The following MYH14 variants were observed in gnomAD, a reference collection of about 807,000 sequenced individuals.
MYH14 encodes the protein myosin-14.
In MYH14, 123 loss-of-function variants were observed where a neutral mutation model predicts 255.5. The observed-to-expected ratio is 0.48, with a 90% CI of 0.42 to 0.56. The LOEUF (loss-of-function observed/expected upper bound fraction) is 0.56. Ranked by LOEUF, MYH14 falls within the 20% of genes least tolerant of loss-of-function variation. The pLI, the probability that MYH14 is intolerant of heterozygous loss-of-function variation, is 0.00. For synonymous variants in MYH14, 1,095 were observed against 1,161.2 expected (o/e 0.94, Z 1.16); for missense variants, 2,423 against 2,802.3 (o/e 0.86, Z 3.06).
At chr19:50,273,632 G>GTGTGTGTGTGTGTGTGTGTGTGT (rs1568526399) in intron 27 of MYH14, among the ~76,000 whole-genome samples, 4 of 151,252 alleles carry the variant, frequency 2.6e-5, no homozygotes, top group Non-Finnish European at 5.9e-5. Flanking sequence ...GTGTGTGTGT[G>GTGTGTGTGTGTGTGTGTGTGTGT]GTTAAGAACA....
intron 10 of MYH14, among the ~76,000 whole-genome samples, chr19:50,243,567 G>A (rs143487081): frequency 0.019 from 2,888 of 152,300 alleles, 38 homozygotes; most frequent in Middle Eastern, 0.034. Flanking sequence ...GGTCAAGGCT[G>A]CAGTGAGCTA....
intron 10 of MYH14, among the ~76,000 whole-genome samples, chr19:50,241,590 G>A (rs1041362328): frequency 1.3e-5 from 2 of 152,094 alleles, no homozygotes; most frequent in African/African-American, 4.8e-5. Context: ...GCAAAGAACA[G>A]CCTTCTCTGG....
intron 22 of MYH14, among the ~76,000 whole-genome samples, chr19:50,265,418 C>A (rs1007271669): frequency 2.0e-5 from 3 of 151,364 alleles, no homozygotes; most frequent in African/African-American, 7.3e-5. Context: ...CTACTTGGGA[C>A]GAAGGATTGC....
intron 8 of MYH14, among the ~76,000 whole-genome samples, chr19:50,227,263 C>T (rs373874733): frequency 2.6e-5 from 4 of 152,116 alleles, no homozygotes; most frequent in East Asian, 3.9e-4. Context: ...TGACATAGAG[C>T]AGTATAAGCA....
chr19:50,307,650 G>A (rs2036698806), intron 41 of MYH14, among the ~76,000 whole-genome samples: 1 of 152,224 alleles, frequency 6.6e-6, no homozygotes, highest in Admixed American at 6.5e-5. Context: ...GCCCCAGAGT[G>A]TGTGTTCTTG....
intron 33 of MYH14, among the ~76,000 whole-genome samples, chr19:50,283,168 A>G (rs1287713721): frequency 1.3e-5 from 2 of 151,452 alleles, no homozygotes; most frequent in East Asian, 1.9e-4. Context: ...CACCAAGGCT[A>G]GAGTGCAGTG....
At chr19:50,213,152 C>T (rs2032287426) in intron 2 of MYH14, among the ~76,000 whole-genome samples, 1 of 152,106 alleles carries the variant, frequency 6.6e-6, no homozygotes, top group East Asian at 1.9e-4. Context: ...GGGGTTTCAC[C>T]ATGTTTGTCA....
intron 1 of MYH14, among the ~76,000 whole-genome samples, chr19:50,207,311 G>GAGAGAGAGAGAGAGAGAC (rs2031857386): frequency 6.7e-6 from 1 of 149,824 alleles, no homozygotes; most frequent in East Asian, 2.0e-4. Flanking sequence ...GAGAGAGAGA[G>GAGAGAGAGAGAGAGAGAC]AGACTAGGGG....
In MYH14 at chr19:50,268,237, G is replaced by A. The variant is rs561594120; in HGVS notation, c.2903G>A (p.Arg968Gln). ...AELCAEAEET[R>Q]GRLAARKQEL... ...CTGTGTGCAGAGGCCGAGGAGACGC[G>A]GGGGAGGCTGGCAGCCCGCAAGCAG... Residue 968 changes from arginine (R) to glutamine (Q), a missense_variant, in exon 24 of 43, where the codon CGG becomes CAG. Around this residue, in one of 3 missense-constraint regions of MYH14, gnomAD observed 1,513 missense variants for 1,674.8 expected, o/e 0.90. Coordinates refer to ENST00000642316, the MANE Select transcript of MYH14 (RefSeq NM_001145809.2). 45 of 1,565,446 alleles carry A rather than the reference G, an allele frequency of 2.9e-5. No individual in the cohort carries two copies. The highest frequency in any genetic ancestry group is 6.8e-5 in the African/African-American group (5 of 73,650).
Position 50,231,914 on chromosome 19 carries a change from C to A in MYH14, c.974-16C>A, listed in dbSNP as rs1210660703. The A allele has an allele frequency of 6.2e-7, 1 of 1,613,784 alleles. No individual in the cohort carries two copies. The highest frequency in any genetic ancestry group is 1.7e-5 in the Admixed American group (1 of 60,028). On this transcript the variant is annotated splice_polypyrimidine_tract_variant and intron_variant, in intron 9 of 42. Coordinates refer to ENST00000642316, the MANE Select transcript of MYH14 (RefSeq NM_001145809.2). ...CAGCCCACCTTTGACCTTGACCCCA[C>A]TCATTGTCCCTGCAGCCGACCTCCT...
At chr19:50,251,786 C>G (rs1426916028) in intron 15 of MYH14, among the ~76,000 whole-genome samples, 1 of 152,134 alleles carries the variant, frequency 6.6e-6, no homozygotes, top group African/African-American at 2.4e-5. Flanking sequence ...CCATGTTGGC[C>G]AGGCTGCTCT....
intron 24 of MYH14, among the ~76,000 whole-genome samples, chr19:50,270,521 C>CAA (rs200748159): frequency 9.5e-5 from 5 of 52,874 alleles, no homozygotes; most frequent in African/African-American, 2.8e-4. Context: ...AACTCCGTCT[C>CAA]AAAAAAAAAA....
chr19:50,222,364 C>G (rs1398026207), intron 3 of MYH14, among the ~76,000 whole-genome samples: 3 of 150,694 alleles, frequency 2.0e-5, no homozygotes, highest in African/African-American at 7.3e-5. Flanking sequence ...CCTCTAGTCC[C>G]AGGTACTTGG....
chr19:50,205,265 C>T (rs530178844), intron 1 of MYH14, among the ~76,000 whole-genome samples: 1 of 152,230 alleles, frequency 6.6e-6, no homozygotes, highest in East Asian at 1.9e-4. Flanking sequence ...GCGGCGGGCC[C>T]TCGACCTTTG....
intron 3 of MYH14, among the ~76,000 whole-genome samples, chr19:50,218,052 A>G (rs1321235654): frequency 6.6e-6 from 1 of 151,974 alleles, no homozygotes; most frequent in East Asian, 2.0e-4. Context: ...GCTGGAGTGC[A>G]GTGGCATGAT....
intron 39 of MYH14, among the ~76,000 whole-genome samples, chr19:50,300,757 T>TAATAA: frequency 6.6e-6 from 1 of 152,118 alleles, no homozygotes; most frequent in Non-Finnish European, 1.5e-5. Flanking sequence ...TCTAAATAAA[T>TAATAA]AATAAAATAA....
At chr19:50,290,858 G>C in intron 35 of MYH14, 29 bp from the exon 36 acceptor site, 1 of 1,546,572 alleles carries the variant, frequency 6.5e-7, no homozygotes, top group Non-Finnish European at 8.7e-7. Context: ...TCCTGTGTCT[G>C]ACCCGGTCCC....
chr19:50,251,504 CA>C (rs879702963), intron 15 of MYH14, among the ~76,000 whole-genome samples: 62,048 of 118,676 alleles, frequency 0.52, 16,509 homozygotes, highest in Middle Eastern at 0.61. Context: ...TATATACACA[CA>C]TATATATATA....
At chr19:50,301,534 T>A (rs2036480329) in intron 39 of MYH14, 127 bp from the exon 40 acceptor site, 1 of 647,218 alleles carries the variant, frequency 1.5e-6, no homozygotes, top group Non-Finnish European at 2.7e-6. Context: ...GTATTTAGTA[T>A]GTTTCAGGCT....
Sources: allele counts gnomAD v4.1 joint callset (sites outside exome capture counted in the v4.1 genomes callset), GRCh38; gene constraint gnomAD v4.1.1; regional missense constraint gnomAD v4.1.1; transcripts MANE v1.5; gene names NCBI Gene and HGNC (gene_info 2026-07-23, HGNC 2026-07-21).